TBL1XR1: variants seen among roughly 807,000 people sequenced by gnomAD.
The protein encoded by TBL1XR1 is TBL1X/Y related 1, also known as F-box-like/WD repeat-containing protein TBL1XR1.
Under a neutral mutation model 66.9 loss-of-function variants are expected in TBL1XR1, and 5 were observed. The ratio of observed to expected loss-of-function variants is 0.07; its 90% CI spans 0.04 to 0.16. TBL1XR1 has a LOEUF of 0.16. Ranked by LOEUF, TBL1XR1 falls within the 10% of genes least tolerant of loss-of-function variation. TBL1XR1 has a pLI of 1.00. For synonymous variants in TBL1XR1, 210 were observed against 206.0 expected, an observed-to-expected ratio of 1.02 and a Z score of -0.17; for missense variants, 238 against 623.2, an observed-to-expected ratio of 0.38 and a Z score of 6.58.
At chr3:177,050,647 G>A in intron 5 of TBL1XR1, 37 bp from the exon 6 acceptor site, 7 of 1,611,910 alleles carry the variant, frequency 4.3e-6, no homozygotes, top group Non-Finnish European at 5.9e-6. Context: ...TTCCAGTTAG[G>A]CAGTATTACA....
At chr3:177,073,835 T>TCA (rs1208343947) in intron 2 of TBL1XR1, among the ~76,000 whole-genome samples, 1 of 152,210 alleles carries the variant, frequency 6.6e-6, no homozygotes, top group Non-Finnish European at 1.5e-5. Context: ...CTGGTGGGAT[T>TCA]CAGCACGTTT....
At chr3:177,136,681 A>G (rs1729034878) in intron 1 of TBL1XR1, among the ~76,000 whole-genome samples, 1 of 152,228 alleles carries the variant, frequency 6.6e-6, no homozygotes. Context: ...ACAGGGTTTA[A>G]AAGGCGTCAC....
intron 12 of TBL1XR1, among the ~76,000 whole-genome samples, chr3:177,035,070 T>C (rs1714577113): frequency 6.6e-6 from 1 of 152,128 alleles, no homozygotes; most frequent in Admixed American, 6.5e-5. Context: ...TACATTTCCG[T>C]GACATAACCA....
chr3:177,047,157 A>G, intron 9 of TBL1XR1, 143 bp downstream of exon 9: 1 of 631,346 alleles, frequency 1.6e-6, no homozygotes, highest in Non-Finnish European at 2.7e-6. Flanking sequence ...ATGAGCTGAT[A>G]GACCTAAGGA....
chr3:177,159,851 T>C (rs906142128), intron 1 of TBL1XR1, among the ~76,000 whole-genome samples: 1 of 152,218 alleles, frequency 6.6e-6, no homozygotes, highest in South Asian at 2.1e-4. Context: ...TGCATCTTCA[T>C]AAGGATGCTA....
At chr3:177,089,469 G>A (rs895290384) in intron 2 of TBL1XR1, among the ~76,000 whole-genome samples, 4 of 152,174 alleles carry the variant, frequency 2.6e-5, no homozygotes, top group South Asian at 2.1e-4. Flanking sequence ...CACTGTTCCC[G>A]AGGATGCCAC....
In TBL1XR1 at chr3:177,021,368, TA is replaced by T. The variant is rs1209349077; in HGVS notation, c.*4129del. 1 of 118,168 alleles carries T rather than the reference TA, an allele frequency of 8.5e-6. No homozygotes were observed. Among genetic ancestry groups the T allele is most frequent in the Admixed American group, 8.9e-5 (1 of 11,206 alleles). The allele number at this position is 118,168 out of a possible 1,614,324, so 7.3% of individuals were successfully genotyped here. A position where few individuals can be genotyped will look rare whatever the true frequency, so the allele number is the denominator to read the frequency against. On this transcript the variant is annotated 3_prime_UTR_variant, in exon 16 of 16. Transcript: ENST00000457928. ...CCAAAGAAAACATCATGAAACAGCT[TA>T]CAAAAAAAAAAAAAATATATGCCCT...
At chr3:177,045,949 C>T (rs1406295280) in intron 10 of TBL1XR1, among the ~76,000 whole-genome samples, 180 bp downstream of exon 10, 1 of 152,086 alleles carries the variant, frequency 6.6e-6, no homozygotes, top group East Asian at 1.9e-4. Context: ...TCACAGAAAA[C>T]GTTTGATGAT....
intron 2 of TBL1XR1, among the ~76,000 whole-genome samples, chr3:177,085,771 A>T (rs1722043013): frequency 6.6e-6 from 1 of 152,202 alleles, no homozygotes; most frequent in Admixed American, 6.5e-5. Flanking sequence ...TTTAGCTCTC[A>T]AAAGTAATGA....
chr3:177,087,031 G>C (rs780988558), intron 2 of TBL1XR1: 1 of 146,682 alleles, frequency 6.8e-6, no homozygotes, highest in African/African-American at 2.5e-5. Flanking sequence ...AGGAGAAGTT[G>C]GTTTTGCTGT....
At chr3:177,121,800 T>C (rs1727007878) in intron 1 of TBL1XR1, among the ~76,000 whole-genome samples, 1 of 152,134 alleles carries the variant, frequency 6.6e-6, no homozygotes, top group African/African-American at 2.4e-5. Context: ...TACCTTCATG[T>C]CTGACACGTT....
chr3:177,111,265 T>C (rs909509805), intron 1 of TBL1XR1, among the ~76,000 whole-genome samples: 67 of 138,610 alleles, frequency 4.8e-4, no homozygotes, highest in Non-Finnish European at 7.9e-4. Flanking sequence ...GAAACCACTA[T>C]GATTGATTTT....
intron 7 of TBL1XR1, 104 bp downstream of exon 7, chr3:177,049,893 A>G: frequency 7.5e-7 from 1 of 1,330,880 alleles, no homozygotes; most frequent in Non-Finnish European, 1.0e-6. Flanking sequence ...CTAGTTAATA[A>G]AACCCCAAAT....
chr3:177,081,845 T>C (rs1721439419), intron 2 of TBL1XR1, among the ~76,000 whole-genome samples: 1 of 152,040 alleles, frequency 6.6e-6, no homozygotes, highest in Non-Finnish European at 1.5e-5. Flanking sequence ...CAGTATTGTA[T>C]ATATAATATA....
chr3:177,164,291 T>C (rs959602700), intron 1 of TBL1XR1, among the ~76,000 whole-genome samples: 1 of 152,050 alleles, frequency 6.6e-6, no homozygotes, highest in Non-Finnish European at 1.5e-5. Context: ...GACCTTCAAA[T>C]GGCCCCTAAA....
At position 177,096,208 on chromosome 3, in the gene TBL1XR1, A is replaced by G. The variant is rs572649270; in HGVS notation, c.-46+2258T>C. ...GAAAACCATACCATTTTGAACCAAT[A>G]CCTACAAATTTACTAGCACATCTGT... On this transcript the variant is annotated intron_variant, in intron 2 of 15. Coordinates refer to ENST00000457928, the MANE Select transcript of TBL1XR1 (RefSeq NM_024665.7). Among the ~76,000 whole-genome samples, 3 of 152,246 alleles carry G rather than the reference A, an allele frequency of 2.0e-5. No individual in the cohort carries two copies. In the East Asian group the frequency reaches 5.8e-4, roughly 29 times the overall value.
At chr3:177,164,902 A>G (rs537882080) in intron 1 of TBL1XR1, among the ~76,000 whole-genome samples, 4 of 152,276 alleles carry the variant, frequency 2.6e-5, no homozygotes, top group African/African-American at 9.6e-5. Flanking sequence ...TGTAGGAAAA[A>G]TTGTATATTT....
At chr3:177,085,085 A>C (rs918664577) in intron 2 of TBL1XR1, among the ~76,000 whole-genome samples, 1 of 152,160 alleles carries the variant, frequency 6.6e-6, no homozygotes, top group Non-Finnish European at 1.5e-5. Context: ...ATCAGAAAAA[A>C]CGAGGCCTCC....
chr3:177,050,907 A>C (rs2108494013), intron 5 of TBL1XR1, among the ~76,000 whole-genome samples: 1 of 152,218 alleles, frequency 6.6e-6, no homozygotes, highest in South Asian at 2.1e-4. Flanking sequence ...GTTTGAATTA[A>C]ATATAATGTC....
Sources: gnomAD v4.1 joint callset for allele counts (sites outside exome capture counted in the v4.1 genomes callset) on GRCh38, gnomAD v4.1.1 for gene constraint, MANE v1.5 for transcripts, NCBI Gene and HGNC (gene_info 2026-07-23, HGNC 2026-07-21) for gene names.